Variants in AUTS2 observed in about 807,000 individuals in gnomAD.
AUTS2 encodes the protein autism susceptibility gene 2 protein.
AUTS2 carries 17 observed loss-of-function variants against 112.4 expected under a neutral mutation model. The observed-to-expected ratio is 0.15, with a 90% CI of 0.10 to 0.23. AUTS2 has a LOEUF of 0.23. AUTS2 is among the 10% of genes least tolerant of loss of function. AUTS2 has a pLI of 1.00. For missense variants in AUTS2, 1,510 were observed against 1,701.6 expected, an observed-to-expected ratio of 0.89 and a Z score of 1.98; for synonymous variants, 751 against 702.7, an observed-to-expected ratio of 1.07 and a Z score of -1.09.
intron 4 of AUTS2, among the ~76,000 whole-genome samples, chr7:70,234,301 A>T (rs905867230): frequency 6.6e-6 from 1 of 152,082 alleles, no homozygotes; most frequent in African/African-American, 2.4e-5. Flanking sequence ...GGATTATTTA[A>T]TTTTTTTAGA....
chr7:70,162,734 A>G (rs1475961025), intron 4 of AUTS2, among the ~76,000 whole-genome samples: 1 of 152,194 alleles, frequency 6.6e-6, no homozygotes, highest in Non-Finnish European at 1.5e-5. Flanking sequence ...TTATTATAAA[A>G]TATTTACGTG....
At chr7:69,704,946 A>G (rs374938107) in intron 1 of AUTS2, among the ~76,000 whole-genome samples, 11 of 152,216 alleles carry the variant, frequency 7.2e-5, no homozygotes, top group South Asian at 2.1e-4. Context: ...AACTCACTGC[A>G]GCCTCAACCT....
intron 5 of AUTS2, among the ~76,000 whole-genome samples, chr7:70,690,561 A>G (rs1461967986): frequency 6.6e-6 from 1 of 152,252 alleles, no homozygotes; most frequent in Non-Finnish European, 1.5e-5. Flanking sequence ...TAAAACGCTT[A>G]ACAGAAGACT....
chr7:70,743,386 T>A (rs1236499251), intron 6 of AUTS2, among the ~76,000 whole-genome samples: 1 of 149,142 alleles, frequency 6.7e-6, no homozygotes, highest in Non-Finnish European at 1.5e-5. Flanking sequence ...GGAGAACCAC[T>A]TGAACTTGGG....
chr7:70,765,228 G>A (rs2129557324), intron 8 of AUTS2, among the ~76,000 whole-genome samples: 1 of 152,294 alleles, frequency 6.6e-6, no homozygotes, highest in South Asian at 2.1e-4. Context: ...ACTGCCCGAA[G>A]AGAGTGGGTT....
chr7:70,534,631 G>T (rs1800236130), intron 5 of AUTS2, among the ~76,000 whole-genome samples: 1 of 152,128 alleles, frequency 6.6e-6, no homozygotes, highest in African/African-American at 2.4e-5. Context: ...TCGCCATGTT[G>T]GTCAGCATGT....
At chr7:70,410,635 C>T (rs1335668925) in intron 4 of AUTS2, among the ~76,000 whole-genome samples, 2 of 151,352 alleles carry the variant, frequency 1.3e-5, no homozygotes, top group African/African-American at 4.8e-5. Flanking sequence ...GTCTCTCAGG[C>T]TGGTCTGAAA....
chr7:70,274,693 A>G (rs538475853), intron 4 of AUTS2, among the ~76,000 whole-genome samples: 4 of 152,290 alleles, frequency 2.6e-5, no homozygotes, highest in Admixed American at 2.0e-4. Context: ...TAAAGCTCCA[A>G]GTTTTATAAT....
At position 69,707,483 on chromosome 7, in the gene AUTS2, A is replaced by C. The variant is rs575420101; in HGVS notation, c.309+107521A>C. ...ATATTCATCTTTCAATTGGTGTCAA[A>C]ATTTTTATTTAAAAAAAAAGTCATG... On this transcript the variant is annotated intron_variant, in intron 1 of 18. Transcript: ENST00000342771. 7.2e-5 allele frequency among the ~76,000 whole-genome samples: 11 copies of C among 152,290 alleles called. No individual in the cohort carries two copies. The East Asian group carries it at 1.7e-3, about 24-fold the overall frequency.
At position 69,792,243 on chromosome 7, in the gene AUTS2, G is replaced by GT. The variant is rs200721030; in HGVS notation, c.310-107039dup. Among the ~76,000 whole-genome samples, 835 of 116,708 alleles carry GT rather than the reference G, an allele frequency of 7.2e-3. 5 individuals are homozygous for GT. The highest frequency in any genetic ancestry group is 0.013 in the Middle Eastern group (3 of 226). The allele number at this position is 116,708 out of a possible 152,430, so 76.6% of individuals were successfully genotyped here. On this transcript the variant is annotated intron_variant, in intron 1 of 18. Coordinates refer to ENST00000342771, the MANE Select transcript of AUTS2 (RefSeq NM_015570.4). ...CACGTTAAGTTGTTGTTTTTTTTTT[G>GT]TTTTGTTTTTTTTTAAGACGGAGTC... is the stretch of plus-strand genomic sequence containing the variant.
chr7:70,110,709 G>A (rs1372698456), intron 2 of AUTS2, among the ~76,000 whole-genome samples: 1 of 151,880 alleles, frequency 6.6e-6, no homozygotes, highest in Non-Finnish European at 1.5e-5. Flanking sequence ...TGTTTATTGG[G>A]ATCATCATTA....
chr7:70,097,256 A>G (rs950952251), intron 2 of AUTS2, among the ~76,000 whole-genome samples: 10 of 152,226 alleles, frequency 6.6e-5, no homozygotes, highest in Non-Finnish European at 1.3e-4. Flanking sequence ...TGCATCCTGC[A>G]GTGCATGTTG....
chr7:69,869,400 G>A (rs1486629671), intron 1 of AUTS2, among the ~76,000 whole-genome samples: 3 of 151,660 alleles, frequency 2.0e-5, no homozygotes, highest in Admixed American at 6.6e-5. Flanking sequence ...TTGAGGCATC[G>A]TGTCCTTTAT....
chr7:69,820,991 A>G (rs9332399), intron 1 of AUTS2, among the ~76,000 whole-genome samples: 53,801 of 152,090 alleles, frequency 0.35, 9,997 homozygotes, highest in African/African-American at 0.46. Flanking sequence ...TGCACCTGGA[A>G]AGGCTTTATA....
intron 1 of AUTS2, among the ~76,000 whole-genome samples, chr7:69,810,152 C>A (rs1486640093): frequency 6.6e-6 from 1 of 152,150 alleles, no homozygotes; most frequent in Non-Finnish European, 1.5e-5. Context: ...CCCACCATGC[C>A]CACCTCTCTT....
intron 2 of AUTS2, among the ~76,000 whole-genome samples, chr7:70,074,958 G>A (rs568588403): frequency 2.6e-5 from 4 of 152,172 alleles, no homozygotes; most frequent in Non-Finnish European, 5.9e-5. Context: ...AGTATTTCAT[G>A]TACTTTAAGG....
chr7:69,832,685 G>A (rs547449991), intron 1 of AUTS2, among the ~76,000 whole-genome samples: 1 of 152,278 alleles, frequency 6.6e-6, no homozygotes, highest in Admixed American at 6.5e-5. Context: ...GACCTATTTA[G>A]GAAATCTAGT....
intron 2 of AUTS2, among the ~76,000 whole-genome samples, chr7:70,065,037 A>G (rs1218061344): frequency 6.6e-6 from 1 of 152,156 alleles, no homozygotes; most frequent in Non-Finnish European, 1.5e-5. Context: ...TGAACAAACA[A>G]AGGAGCAAGT....
At chr7:70,116,470 C>T (rs577543087) in intron 2 of AUTS2, among the ~76,000 whole-genome samples, 1 of 152,294 alleles carries the variant, frequency 6.6e-6, no homozygotes, top group Admixed American at 6.5e-5. Flanking sequence ...ACCATAGCCA[C>T]TTGAAATCCT....
Sources: allele counts gnomAD v4.1 joint callset (sites outside exome capture counted in the v4.1 genomes callset), GRCh38; gene constraint gnomAD v4.1.1; transcripts MANE v1.5; gene names NCBI Gene and HGNC (gene_info 2026-07-23, HGNC 2026-07-21).